Variants in TDRD6 observed in about 807,000 individuals in gnomAD.
TDRD6 encodes the protein tudor domain-containing protein 6.
Under a neutral mutation model 157.5 loss-of-function variants are expected in TDRD6, and 186 were observed. That is an observed-to-expected ratio of 1.18 (90% CI 1.05 to 1.33). The LOEUF (loss-of-function observed/expected upper bound fraction) is 1.33. Among genes scored for constraint, TDRD6 ranks in the 40% most tolerant of loss-of-function variants. TDRD6 has a pLI of 0.00. For missense variants in TDRD6, 3,066 were observed against 2,508.0 expected (o/e 1.22, Z -4.75); for synonymous variants, 1,075 against 945.2 (o/e 1.14, Z -2.52).
rs1377578390 is a variant in TDRD6, at chr6:46,690,621, A to G, written c.2493A>G (p.Arg831=). The G allele has an allele frequency of 3.1e-6, 5 of 1,614,104 alleles. No homozygotes were observed. Among genetic ancestry groups the G allele is most frequent in the Non-Finnish European group, 4.2e-6 (5 of 1,180,038 alleles). ...LACLAKRTVN[R]QWSRALISGI... The stretch of plus-strand genomic sequence containing the variant: ...GTTTGGCTAAGCGAACAGTAAACAG[A>G]CAGTGGTCCAGAGCACTTATTAGTG... The change falls in exon 1 of 4, where the codon AGA becomes AGG. Residue 831 remains arginine (R), a synonymous_variant. Transcript: ENST00000316081.
At position 46,691,187 on chromosome 6, in the gene TDRD6, C is replaced by T; in HGVS notation, c.3059C>T (p.Thr1020Ile). 1 of 1,613,214 alleles carries T rather than the reference C, an allele frequency of 6.2e-7. No homozygotes were observed. Among genetic ancestry groups the T allele is most frequent in the Non-Finnish European group, 8.5e-7 (1 of 1,179,698 alleles). Residue 1020 changes from threonine to isoleucine, a missense_variant, in exon 1 of 4, where the codon ACA (threonine) becomes ATA (isoleucine). Physicochemically the swap from Thr to Ile is moderately conservative, Grantham distance 89 (BLOSUM62 -1). Coordinates refer to ENST00000316081, the MANE Select transcript of TDRD6 (RefSeq NM_001010870.3). ...TTAGAACAGTTGTCATGTAGTATTA[C>T]ACAATTAAGTAAAGTTTTGCTGAAT... ...NILEQLSCSI[T>I]QLSKVLLNLK...
chr6:46,692,301 C>G lies in TDRD6; in HGVS notation c.4173C>G (p.Gly1391=). ...TCTCTGTGCAGTTTATAGATTATGGCAATGTTTCTGTGGTTCATACTAACA... is the reference window on the plus strand; with the variant it reads ...TCTCTGTGCAGTTTATAGATTATGGGAATGTTTCTGTGGTTCATACTAACA... ...DLLSVQFIDY[G]NVSVVHTNKI... Residue 1391 remains glycine (G), a synonymous_variant, in exon 1 of 4, where the codon GGC becomes GGG. Coordinates refer to ENST00000316081, the MANE Select transcript of TDRD6 (RefSeq NM_001010870.3). The G allele has an allele frequency of 6.2e-7, 1 of 1,614,106 alleles. No individual in the cohort carries two copies. The highest frequency in any genetic ancestry group is 8.5e-7 in the Non-Finnish European group (1 of 1,180,018).
intron 3 of TDRD6, among the ~76,000 whole-genome samples, chr6:46,700,440 CT>C (rs1326947272): frequency 6.6e-6 from 1 of 151,594 alleles, no homozygotes; most frequent in African/African-American, 2.4e-5. Flanking sequence ...TTATGCATGA[CT>C]TTTTTTTAAT....
chr6:46,690,764 C>A lies in TDRD6; in HGVS notation c.2636C>A (p.Ala879Asp), dbSNP rs200563264. The change falls in exon 1 of 4, where the codon GCT (alanine) becomes GAT (aspartate). Residue 879 changes from alanine to aspartate, a missense_variant. Transcript: ENST00000316081. Reference protein sequence around the residue: ...SEEFLKVKAQAFRCSLYNLIQ... With the variant: ...SEEFLKVKAQDFRCSLYNLIQ... ...GAATTTCTGAAGGTTAAGGCACAGG[C>A]TTTTAGGTGCAGTCTTTATAATTTA... 6.2e-7 allele frequency: 1 copy of A among 1,614,100 alleles called. No homozygotes were observed. Among genetic ancestry groups the A allele is most frequent in the Admixed American group, 1.7e-5 (1 of 60,012 alleles).
At chr6:46,697,976 A>C in intron 2 of TDRD6, 22 bp from the exon 3 acceptor site, 1 of 1,522,874 alleles carries the variant, frequency 6.6e-7, no homozygotes, top group Non-Finnish European at 8.9e-7. Flanking sequence ...GACACTTTAA[A>C]AAAATTTGTT....
chr6:46,691,364 T>C lies in TDRD6; in HGVS notation c.3236T>C (p.Leu1079Pro). 1 of 1,614,086 alleles carries C rather than the reference T, an allele frequency of 6.2e-7. No homozygotes were observed. The highest frequency in any genetic ancestry group is 8.5e-7 in the Non-Finnish European group (1 of 1,179,950). The change falls in exon 1 of 4, where the codon CTT becomes CCT. Residue 1079 changes from leucine to proline, a missense_variant. Physicochemically the swap from Leu to Pro is moderately conservative, Grantham distance 98 (BLOSUM62 -3). Coordinates refer to ENST00000316081, the MANE Select transcript of TDRD6 (RefSeq NM_001010870.3). ...TATGTAGTAACAAGTGATGATCTGC[T>C]TCCAATACCTAGTGATGCATATGAT... is the stretch of plus-strand genomic sequence containing the variant. ...NIYVVTSDDL[L>P]PIPSDAYDVL... is the part of the protein sequence containing the mutation.
chr6:46,692,068 A>G lies in TDRD6; in HGVS notation c.3940A>G (p.Ile1314Val). ...GFKTTVYVSH[I>V]NDLSDFYVQL... is the part of the protein sequence containing the mutation. ...TAAAACAACTGTATATGTTTCTCAT[A>G]TAAATGACCTTTCAGACTTTTATGT... The change falls in exon 1 of 4, where the codon ATA (isoleucine) becomes GTA (valine). Residue 1314 changes from isoleucine (I) to valine (V), a missense_variant. Physicochemically the swap from Ile to Val is conservative, Grantham distance 29 (BLOSUM62 3). Coordinates refer to ENST00000316081, the MANE Select transcript of TDRD6 (RefSeq NM_001010870.3). 6.2e-7 allele frequency: 1 copy of G among 1,612,656 alleles called. No individual in the cohort carries two copies. The highest frequency in any genetic ancestry group is 8.5e-7 in the Non-Finnish European group (1 of 1,179,526).
At chr6:46,684,272 T>C (rs1380730507), upstream of TDRD6, among the ~76,000 whole-genome samples, 1 of 152,146 alleles carries the variant, frequency 6.6e-6, no homozygotes, top group Non-Finnish European at 1.5e-5. Context: ...CGTATAGGGA[T>C]ATACCATGAC....
Position 46,688,212 on chromosome 6 carries a change from C to T in TDRD6, c.84C>T (p.Ile28=). The change falls in exon 1 of 4, where the codon ATC becomes ATT. Residue 28 remains isoleucine, a synonymous_variant. Transcript: ENST00000316081. Reference sequence around the variant, plus strand: ...TCGTGGACGTGCATCCCGATGTGATCCCGGTGCAGCTGTGGGGGCTGGTGG... The same window carrying T: ...TCGTGGACGTGCATCCCGATGTGATTCCGGTGCAGCTGTGGGGGCTGGTGG... ...VSFVDVHPDV[I]PVQLWGLVGE... is the part of the protein sequence containing the mutation. 1 of 1,541,564 alleles carries T rather than the reference C, an allele frequency of 6.5e-7. No individual in the cohort carries two copies. The highest frequency in any genetic ancestry group is 2.0e-5 in the Admixed American group (1 of 51,160).
chr6:46,686,527 G>T (rs141130102), upstream of TDRD6, among the ~76,000 whole-genome samples: 1 of 151,210 alleles, frequency 6.6e-6, no homozygotes, highest in Non-Finnish European at 1.5e-5. Context: ...GAATAGTAGG[G>T]TCACGAGGAA....
intron 3 of TDRD6, among the ~76,000 whole-genome samples, chr6:46,699,175 A>G (rs753176553): frequency 5.3e-5 from 8 of 152,184 alleles, no homozygotes; most frequent in Non-Finnish European, 1.2e-4. Flanking sequence ...TCTGGCTCCC[A>G]GGATCCTCTC....
Position 46,692,277 on chromosome 6 carries a change from C to G in TDRD6, c.4149C>G (p.Leu1383=). 6.2e-7 allele frequency: 1 copy of G among 1,614,100 alleles called. No homozygotes were observed. Among genetic ancestry groups the G allele is most frequent in the Non-Finnish European group, 8.5e-7 (1 of 1,179,994 alleles). The change falls in exon 1 of 4, where the codon CTC becomes CTG. Residue 1383 remains leucine, a synonymous_variant. Transcript: ENST00000316081. The part of the protein sequence containing the change: ...VIKEQQPNDL[L]SVQFIDYGNV... ...AGGAGCAACAACCCAATGACCTTCT[C>G]TCTGTGCAGTTTATAGATTATGGCA...
At position 46,688,463 on chromosome 6, in the gene TDRD6, T is replaced by C. The variant is rs1428310055; in HGVS notation, c.335T>C (p.Leu112Pro). 1.3e-6 allele frequency: 2 copies of C among 1,544,710 alleles called. No homozygotes were observed. The highest frequency in any genetic ancestry group is 1.7e-6 in the Non-Finnish European group (2 of 1,147,284). ...GRTITAGAGS[L>P]APGRREFFNL... is the part of the protein sequence containing the mutation. ...ACCATCACGGCCGGAGCAGGCTCGC[T>C]GGCGCCTGGGCGCAGAGAGTTCTTC... The change falls in exon 1 of 4, where the codon CTG (leucine) becomes CCG (proline). Residue 112 changes from leucine to proline, a missense_variant. Physicochemically the swap from Leu to Pro is moderately conservative, Grantham distance 98. Transcript: ENST00000316081.
Position 46,690,953 on chromosome 6 carries a change from C to G in TDRD6, c.2825C>G (p.Thr942Ser). Residue 942 changes from threonine to serine, a missense_variant, in exon 1 of 4, where the codon ACC becomes AGC. Coordinates refer to ENST00000316081, the MANE Select transcript of TDRD6 (RefSeq NM_001010870.3). Reference sequence around the variant, plus strand: ...CTGTTTAACATTGTGGATTTGCTAACCCCCTTTCAGAGTGCATGCCATTTC... The same window carrying G: ...CTGTTTAACATTGTGGATTTGCTAAGCCCCTTTCAGAGTGCATGCCATTTC... ...EELFNIVDLL[T>S]PFQSACHFLV... 4 of 1,614,124 alleles carry G rather than the reference C, an allele frequency of 2.5e-6. No homozygotes were observed. Among genetic ancestry groups the G allele is most frequent in the Non-Finnish European group, 3.4e-6 (4 of 1,179,984 alleles).
Position 46,692,979 on chromosome 6 carries a change from C to G in TDRD6, c.4851C>G (p.Leu1617=), listed in dbSNP as rs377186640. 2 of 1,612,390 alleles carry G rather than the reference C, an allele frequency of 1.2e-6. No homozygotes were observed. Among genetic ancestry groups the G allele is most frequent in the Non-Finnish European group, 1.7e-6 (2 of 1,179,064 alleles). The change falls in exon 1 of 4, where the codon CTC becomes CTG. Residue 1617 remains leucine (L), a synonymous_variant. Coordinates refer to ENST00000316081, the MANE Select transcript of TDRD6 (RefSeq NM_001010870.3). ...AAGACTGTGTGGACCCAAAAGCACT[C>G]TGGGCCATTCCTTCTGAACTTCTGT... ...NIEDCVDPKA[L]WAIPSELLSV... is the part of the protein sequence containing the mutation.
Position 46,693,158 on chromosome 6 carries a change from T to C in TDRD6, c.5030T>C (p.Ile1677Thr), listed in dbSNP as rs773828462. 3.5e-5 allele frequency: 56 copies of C among 1,609,420 alleles called. No homozygotes were observed. Among genetic ancestry groups the C allele is most frequent in the Non-Finnish European group, 4.8e-5 (56 of 1,178,188 alleles). The change falls in exon 1 of 4, where the codon ATC becomes ACC. Residue 1677 changes from isoleucine (I) to threonine (T), a missense_variant. Physicochemically the swap from Ile to Thr is moderately conservative, Grantham distance 89 (BLOSUM62 -1). Transcript: ENST00000316081. ...ILEIRRDVCD[I>T]PLAIVDLKSK... ...GAAATCAGAAGGGATGTTTGTGATA[T>C]CCCTTTAGCAATTGTTGACTTGAAA...
intron 2 of TDRD6, among the ~76,000 whole-genome samples, chr6:46,697,121 T>A (rs1764521526): frequency 6.6e-6 from 1 of 152,162 alleles, no homozygotes; most frequent in Admixed American, 6.5e-5. Context: ...TTCTTTATAT[T>A]TTGTACTTTA....
Position 46,688,137 on chromosome 6 carries a change from G to T in TDRD6, c.9G>T (p.Ser3=). 9 of 1,536,392 alleles carry T rather than the reference G, an allele frequency of 5.9e-6. No individual in the cohort carries two copies. The highest frequency in any genetic ancestry group is 7.8e-6 in the Non-Finnish European group (9 of 1,148,338). Residue 3 remains serine (S), a synonymous_variant, in exon 1 of 4, where the codon TCG becomes TCT. Coordinates refer to ENST00000316081, the MANE Select transcript of TDRD6 (RefSeq NM_001010870.3). ...CGCGCCGCGCCGTCAAGATGTGCTC[G>T]ACGCCCGGAATGCCGGCGCCGGGGG... The part of the protein sequence containing the change: MC[S]TPGMPAPGAS...
intron 2 of TDRD6, 104 bp from the exon 3 acceptor site, chr6:46,697,894 A>G: frequency 5.4e-6 from 3 of 553,050 alleles, no homozygotes; most frequent in South Asian, 7.8e-5. Context: ...TCTCAAAATA[A>G]TAATAATAAT....
Sources: allele counts gnomAD v4.1 joint callset (sites outside exome capture counted in the v4.1 genomes callset), GRCh38; gene constraint gnomAD v4.1.1; transcripts MANE v1.5; gene names NCBI Gene and HGNC (gene_info 2026-07-23, HGNC 2026-07-21).